The following EPHB1 variants were observed in gnomAD, a reference collection of about 807,000 sequenced individuals.
EPHB1 encodes EPH receptor B1.
In EPHB1, 30 loss-of-function variants were observed where a neutral mutation model predicts 94.4. The ratio of observed to expected loss-of-function variants is 0.32; its 90% CI spans 0.24 to 0.43. The LOEUF (loss-of-function observed/expected upper bound fraction) is 0.43, where lower values mean the gene tolerates loss of function less well. EPHB1 is among the 20% of genes least tolerant of loss of function. The pLI, the probability that EPHB1 is intolerant of heterozygous loss-of-function variation, is 1.00. For missense variants in EPHB1, 1,055 were observed against 1,308.3 expected (o/e 0.81, Z 2.99); for synonymous variants, 522 against 489.1 (o/e 1.07, Z -0.89).
intron 1 of EPHB1, among the ~76,000 whole-genome samples, chr3:134,834,644 C>T (rs2036639025): frequency 6.6e-6 from 1 of 152,156 alleles, no homozygotes; most frequent in Non-Finnish European, 1.5e-5. Context: ...CTTAGATGAC[C>T]CTATGATCCT....
chr3:135,035,268 C>G (rs1044822806), intron 3 of EPHB1, among the ~76,000 whole-genome samples: 1 of 152,174 alleles, frequency 6.6e-6, no homozygotes, highest in Non-Finnish European at 1.5e-5. Flanking sequence ...CCTGCCATCA[C>G]CCCTGCTTAG....
At chr3:135,104,114 C>G (rs553283059) in intron 3 of EPHB1, among the ~76,000 whole-genome samples, 1 of 152,212 alleles carries the variant, frequency 6.6e-6, no homozygotes, top group African/African-American at 2.4e-5. Context: ...ACCCCTCCCC[C>G]ACTCTCCAGA....
At chr3:135,174,207 A>G (rs1027103941) in intron 9 of EPHB1, among the ~76,000 whole-genome samples, 1 of 152,092 alleles carries the variant, frequency 6.6e-6, no homozygotes, top group African/African-American at 2.4e-5. Context: ...TGATGGAACC[A>G]TTGTCAGCTC....
At chr3:135,200,269 A>G (rs1398235009) in intron 11 of EPHB1, among the ~76,000 whole-genome samples, 1 of 152,204 alleles carries the variant, frequency 6.6e-6, no homozygotes, top group South Asian at 2.1e-4. Flanking sequence ...ACACTGTTTT[A>G]TTCACTGAAG....
intron 3 of EPHB1, among the ~76,000 whole-genome samples, chr3:135,088,480 T>G (rs1272402220): frequency 6.6e-6 from 1 of 152,224 alleles, no homozygotes; most frequent in Non-Finnish European, 1.5e-5. Flanking sequence ...AATACAGGGT[T>G]TTTTTTCTCA....
At chr3:134,912,351 CATGCCAGGCTCCTAA>C (rs2038471834) in intron 1 of EPHB1, among the ~76,000 whole-genome samples, 1 of 152,224 alleles carries the variant, frequency 6.6e-6, no homozygotes, top group Non-Finnish European at 1.5e-5. Context: ...AAGACTGGAA[CATGCCAGGCTCCTAA>C]ATTTTCATAG....
intron 1 of EPHB1, among the ~76,000 whole-genome samples, chr3:134,819,807 G>A (rs558265760): frequency 3.6e-4 from 55 of 152,242 alleles, no homozygotes; most frequent in Non-Finnish European, 7.1e-4. Flanking sequence ...GGCCTCTGTT[G>A]CCTTCTTTTC....
chr3:134,913,780 C>T (rs879352643), intron 1 of EPHB1, among the ~76,000 whole-genome samples: 2 of 152,210 alleles, frequency 1.3e-5, no homozygotes, highest in African/African-American at 2.4e-5. Context: ...CACCAGTCTC[C>T]TGTGCTCTGC....
rs145168686 is a variant in EPHB1 at position 135,078,795 on chromosome 3, C to T, written c.806-27653C>T. Among the ~76,000 whole-genome samples the T allele has an allele frequency of 1.4e-4, 22 of 152,364 alleles. No individual in the cohort carries two copies. The East Asian group carries it at 3.9e-3, about 27-fold the overall frequency. On this transcript the variant is annotated intron_variant, in intron 3 of 15. Transcript: ENST00000398015. ...AAATTCCAAAGAAATTTTAACATCT[C>T]TCATATGCCTTGATATTCAACCTGC...
At chr3:134,914,457 A>G (rs1345395287) in intron 1 of EPHB1, among the ~76,000 whole-genome samples, 4 of 152,200 alleles carry the variant, frequency 2.6e-5, no homozygotes, top group African/African-American at 9.7e-5. Context: ...TCACAACCAG[A>G]CAGCAATAAA....
At chr3:134,836,139 G>T (rs1034146957) in intron 1 of EPHB1, among the ~76,000 whole-genome samples, 12 of 152,138 alleles carry the variant, frequency 7.9e-5, no homozygotes, top group African/African-American at 2.7e-4. Context: ...ATCTGGCTGG[G>T]CACAGCCATC....
chr3:135,096,988 T>C (rs1938806388), intron 3 of EPHB1, among the ~76,000 whole-genome samples: 1 of 151,572 alleles, frequency 6.6e-6, no homozygotes, highest in African/African-American at 2.4e-5. Flanking sequence ...CCCAGCTACT[T>C]TGGAGGCTGA....
chr3:135,193,788 A>T (rs1942524311), intron 11 of EPHB1, among the ~76,000 whole-genome samples: 1 of 152,216 alleles, frequency 6.6e-6, no homozygotes, highest in South Asian at 2.1e-4. Context: ...GCCTATAGAG[A>T]TAAAGGAAAC....
chr3:135,038,636 C>A (rs1049859038), intron 3 of EPHB1, among the ~76,000 whole-genome samples: 2 of 152,022 alleles, frequency 1.3e-5, no homozygotes, highest in East Asian at 3.9e-4. Flanking sequence ...TAAGGTGGCG[C>A]GTCTGGAGTC....
At chr3:134,880,634 G>T (rs527309737) in intron 1 of EPHB1, among the ~76,000 whole-genome samples, 46 of 152,334 alleles carry the variant, frequency 3.0e-4, no homozygotes, top group African/African-American at 8.7e-4. Context: ...GAGGCCACAA[G>T]GCCAGACAGC....
At chr3:134,857,608 GT>G (rs2037151380) in intron 1 of EPHB1, among the ~76,000 whole-genome samples, 1 of 152,020 alleles carries the variant, frequency 6.6e-6, no homozygotes, top group African/African-American at 2.4e-5. Flanking sequence ...GGTGAAGGTG[GT>G]TACTCACGGG....
At chr3:135,057,427 C>G (rs1937380222) in intron 3 of EPHB1, among the ~76,000 whole-genome samples, 1 of 151,888 alleles carries the variant, frequency 6.6e-6, no homozygotes, top group African/African-American at 2.4e-5. Context: ...TTCCCACTTT[C>G]TTTCCTCTCA....
intron 7 of EPHB1, among the ~76,000 whole-genome samples, chr3:135,164,672 G>A (rs763386845): frequency 6.6e-6 from 1 of 152,052 alleles, no homozygotes; most frequent in Non-Finnish European, 1.5e-5. Context: ...AGCCGGGTGT[G>A]GTGGCATGTG....
chr3:134,933,426 C>T (rs1179845966), intron 2 of EPHB1, among the ~76,000 whole-genome samples: 2 of 150,948 alleles, frequency 1.3e-5, no homozygotes, highest in South Asian at 2.1e-4. Context: ...GAAATTGACA[C>T]TGAGGTACCG....
Sources: gnomAD v4.1 joint callset for allele counts (sites outside exome capture counted in the v4.1 genomes callset) on GRCh38, gnomAD v4.1.1 for gene constraint, MANE v1.5 for transcripts, NCBI Gene and HGNC (gene_info 2026-07-23, HGNC 2026-07-21) for gene names.